PLD5: variants seen among roughly 807,000 people sequenced by gnomAD.
PLD5 encodes the protein inactive phospholipase D5.
A neutral mutation model predicts 61.1 loss-of-function variants in PLD5; 36 were observed. That is an observed-to-expected ratio of 0.59 (90% CI 0.45 to 0.78). The LOEUF is 0.78. Among genes scored for constraint, PLD5 ranks in the 30% least tolerant of loss-of-function variants. The probability of loss-of-function intolerance (pLI) is 0.00; values close to 1 mark genes in which losing one functional copy is unlikely to be tolerated. For synonymous variants in PLD5, 243 were observed against 242.8 expected, an observed-to-expected ratio of 1.00 and a Z score of -0.01; for missense variants, 515 against 644.4, an observed-to-expected ratio of 0.80 and a Z score of 2.17.
intron 4 of PLD5, among the ~76,000 whole-genome samples, chr1:242,229,396 T>C (rs1396271795): frequency 6.6e-6 from 1 of 152,206 alleles, no homozygotes; most frequent in Non-Finnish European, 1.5e-5. Context: ...AAGTAGATTA[T>C]AAAGCATAAT....
intron 4 of PLD5, among the ~76,000 whole-genome samples, chr1:242,251,759 G>A (rs945263276): frequency 1.3e-5 from 2 of 152,082 alleles, no homozygotes; most frequent in African/African-American, 4.8e-5. Flanking sequence ...AAAGGCAAAG[G>A]GTAAATGTAA....
At chr1:242,394,477 T>A (rs151029101) in intron 1 of PLD5, among the ~76,000 whole-genome samples, 10,659 of 83,408 alleles carry the variant, frequency 0.13, 2,846 homozygotes, top group Admixed American at 0.2. Context: ...CATATATATG[T>A]GTATATATGT....
At chr1:242,230,823 A>G (rs894345540) in intron 4 of PLD5, among the ~76,000 whole-genome samples, 2 of 152,190 alleles carry the variant, frequency 1.3e-5, no homozygotes, top group Non-Finnish European at 2.9e-5. Flanking sequence ...TTGATGCTTC[A>G]TTTTTAGTCT....
At chr1:242,153,855 T>C (rs1483376380) in intron 5 of PLD5, among the ~76,000 whole-genome samples, 2 of 152,190 alleles carry the variant, frequency 1.3e-5, no homozygotes. Context: ...TGGTTCCATA[T>C]GAAGTTTAAA....
intron 6 of PLD5, among the ~76,000 whole-genome samples, chr1:242,119,371 C>T (rs1169718125): frequency 6.6e-6 from 1 of 152,006 alleles, no homozygotes; most frequent in Non-Finnish European, 1.5e-5. Flanking sequence ...TATATTTAAA[C>T]CAGACACCTG....
At chr1:242,155,796 C>T (rs144840991) in intron 5 of PLD5, among the ~76,000 whole-genome samples, 20 of 152,130 alleles carry the variant, frequency 1.3e-4, no homozygotes, top group African/African-American at 2.2e-4. Context: ...AGAATAAGTG[C>T]GATGAGGTGC....
intron 1 of PLD5, among the ~76,000 whole-genome samples, chr1:242,394,142 A>G (rs1663184728): frequency 7.5e-6 from 1 of 132,808 alleles, no homozygotes. Flanking sequence ...ATATGAGTAT[A>G]TATATGTGTA....
At chr1:242,257,057 T>TATCC (rs1673101038) in intron 4 of PLD5, among the ~76,000 whole-genome samples, 1 of 150,894 alleles carries the variant, frequency 6.6e-6, no homozygotes, top group Admixed American at 6.6e-5. Flanking sequence ...TCTATCTATC[T>TATCC]ATCTATCTAT....
chr1:242,094,991 T>A (rs1187365347), intron 9 of PLD5, among the ~76,000 whole-genome samples: 1 of 141,840 alleles, frequency 7.1e-6, no homozygotes, highest in African/African-American at 2.6e-5. Flanking sequence ...CAGGCTGGAG[T>A]GCAGTGGCAA....
chr1:242,403,225 C>T (rs537732935), intron 1 of PLD5, among the ~76,000 whole-genome samples: 17 of 152,332 alleles, frequency 1.1e-4, no homozygotes, highest in Non-Finnish European at 2.1e-4. Context: ...AGGGCTGTCT[C>T]ACCTGCTCTA....
chr1:242,288,236 C>T lies in PLD5; in HGVS notation c.495+126G>A, dbSNP rs560515908. 34 of 1,315,006 alleles carry T rather than the reference C, an allele frequency of 2.6e-5. No homozygotes were observed. The Admixed American group carries it at 6.7e-4, about 26-fold the overall frequency. The allele number at this position is 1,315,006 out of a possible 1,614,324, so 81.5% of individuals were successfully genotyped here. ...ACATCTACATAAATGTAATAATGTA[C>T]ATGTACTCTGGGTGTGTGTAGACTA... On this transcript the variant is annotated intron_variant, in intron 3 of 9. Coordinates refer to ENST00000536534, the MANE Select transcript of PLD5 (RefSeq NM_001372062.1).
chr1:242,284,150 T>A (rs35957560), intron 3 of PLD5, among the ~76,000 whole-genome samples: 62,756 of 110,942 alleles, frequency 0.57, 18,225 homozygotes, highest in African/African-American at 0.65. Flanking sequence ...TTTTTTTTTT[T>A]ATAGATACAC....
At chr1:242,341,016 C>A (rs1440685711) in intron 2 of PLD5, among the ~76,000 whole-genome samples, 2 of 151,988 alleles carry the variant, frequency 1.3e-5, no homozygotes. Flanking sequence ...TAATAGAAGT[C>A]TTCATGAAAA....
intron 2 of PLD5, among the ~76,000 whole-genome samples, chr1:242,322,500 C>A (rs1658482477): frequency 6.6e-6 from 1 of 152,146 alleles, no homozygotes; most frequent in African/African-American, 2.4e-5. Flanking sequence ...TTTATAGCAT[C>A]TGTCTTTTTA....
intron 5 of PLD5, among the ~76,000 whole-genome samples, chr1:242,189,336 T>G (rs1260486109): frequency 6.7e-6 from 1 of 150,122 alleles, no homozygotes; most frequent in Non-Finnish European, 1.5e-5. Flanking sequence ...ATCCCAGTTA[T>G]TGGGGAGGCT....
At chr1:242,490,659 C>A (rs1458031186) in intron 1 of PLD5, among the ~76,000 whole-genome samples, 3 of 152,196 alleles carry the variant, frequency 2.0e-5, no homozygotes, top group Admixed American at 6.5e-5. Context: ...CGGTTCTCAG[C>A]AACCTTTGTG....
At chr1:242,464,175 C>A (rs1667206322) in intron 1 of PLD5, among the ~76,000 whole-genome samples, 1 of 152,212 alleles carries the variant, frequency 6.6e-6, no homozygotes, top group South Asian at 2.1e-4. Context: ...GTCCACTTCA[C>A]ATGTCCCTTC....
intron 2 of PLD5, among the ~76,000 whole-genome samples, chr1:242,339,271 T>C (rs564426845): frequency 2.5e-4 from 38 of 152,254 alleles, no homozygotes; most frequent in Admixed American, 2.0e-3. Flanking sequence ...GAGAGACAGA[T>C]AGATGTGTTC....
rs1669847622 is a variant in PLD5, at chr1:242,211,908, C to T, written c.735+8080G>A. ...GCTAGTGGAGCCTATGTTTGGCAGG[C>T]TCAATTAAGGGACCTAATGCAAACT... On this transcript the variant is annotated intron_variant, in intron 5 of 9. Coordinates refer to ENST00000536534, the MANE Select transcript of PLD5 (RefSeq NM_001372062.1). 2.0e-5 allele frequency among the ~76,000 whole-genome samples: 3 copies of T among 152,280 alleles called. 1 individual carries two copies. In the South Asian group the frequency reaches 6.2e-4, roughly 32 times the overall value.
Sources: gnomAD v4.1 joint callset for allele counts (sites outside exome capture counted in the v4.1 genomes callset) on GRCh38, gnomAD v4.1.1 for gene constraint, MANE v1.5 for transcripts, NCBI Gene and HGNC (gene_info 2026-07-23, HGNC 2026-07-21) for gene names.